CNDP2: variants seen among roughly 807,000 people sequenced by gnomAD.
The protein encoded by CNDP2 is carnosine dipeptidase 2.
In CNDP2, 38 loss-of-function variants were observed where a neutral mutation model predicts 55.0. That is an observed-to-expected ratio of 0.69 (90% CI 0.53 to 0.90). The LOEUF (loss-of-function observed/expected upper bound fraction) is 0.90. Among genes scored for constraint, CNDP2 ranks in the 40% least tolerant of loss-of-function variants. The probability of loss-of-function intolerance (pLI) is 0.00; values close to 1 mark genes in which losing one functional copy is unlikely to be tolerated. For synonymous variants in CNDP2, 241 were observed against 260.2 expected (o/e 0.93, Z 0.71); for missense variants, 607 against 621.7 (o/e 0.98, Z 0.25).
At chr18:74,507,225 C>T (rs975785239) in intron 4 of CNDP2, 1 of 152,372 alleles carries the variant, frequency 6.6e-6, no homozygotes, top group Admixed American at 6.5e-5. Context: ...GGAACTCGCT[C>T]TCTCTGGACA....
intron 3 of CNDP2, among the ~76,000 whole-genome samples, chr18:74,503,073 G>T (rs1437197851): frequency 5.6e-5 from 8 of 142,192 alleles, no homozygotes; most frequent in Admixed American, 1.4e-4. Flanking sequence ...GCTCCCTTTC[G>T]TTTTTTTTTT....
chr18:74,519,853 C>G (rs2144620460), intron 11 of CNDP2, 146 bp from the exon 12 acceptor site: 1 of 654,944 alleles, frequency 1.5e-6, no homozygotes, highest in African/African-American at 1.8e-5. Context: ...ATTCTGAAGG[C>G]AAGCAGGGCT....
intron 5 of CNDP2, 192 bp downstream of exon 5, chr18:74,509,120 A>T: frequency 3.6e-6 from 2 of 559,318 alleles, no homozygotes; most frequent in African/African-American, 1.9e-5. Context: ...GAAACATTCA[A>T]AGTGTAATTG....
At chr18:74,516,629 TCAC>T in intron 9 of CNDP2, 1 of 279,844 alleles carries the variant, frequency 3.6e-6, no homozygotes, top group South Asian at 6.3e-5. Flanking sequence ...TTGACCTCAC[TCAC>T]CTCAAGGCTC....
chr18:74,516,622 AC>A, intron 9 of CNDP2: 1 of 415,516 alleles, frequency 2.4e-6, no homozygotes, highest in Non-Finnish European at 4.0e-6. Flanking sequence ...CTGGCCTTTG[AC>A]CTCACTCACC....
rs760165592 is a variant in CNDP2 at position 74,518,510 on chromosome 18, CCTAA to C, written c.1085_1088del (p.Thr362ArgfsTer39). The C allele has an allele frequency of 5.6e-6, 9 of 1,614,078 alleles. No homozygotes were observed. Among genetic ancestry groups the C allele is most frequent in the Admixed American group, 1.7e-5 (1 of 60,004 alleles). ...TATTTGTGGTTTAGGTCACAAGCTA[CCTAA>C]CTAAGAAGTTTGCTGAACTACGCAG... On this transcript the variant is annotated frameshift_variant, in exon 10 of 12. Transcript: ENST00000324262. LOFTEE classifies it high-confidence loss of function.
Position 74,512,516 on chromosome 18 carries a change from T to C in CNDP2, c.726T>C (p.Asp242=). The change falls in exon 7 of 12, where the codon GAT becomes GAC. Residue 242 remains aspartate (D), a synonymous_variant. Transcript: ENST00000324262. ...GCTCGGTGCATGAGGCCATGACTGA[T>C]CTCATTTTGCTGATGGGTAAGTGCG... ...YGGSVHEAMT[D]LILLMGSLVD... 1 of 1,613,864 alleles carries C rather than the reference T, an allele frequency of 6.2e-7. No homozygotes were observed. Among genetic ancestry groups the C allele is most frequent in the East Asian group, 2.2e-5 (1 of 44,850 alleles).
In CNDP2 at chr18:74,501,564, C is replaced by T. The variant is rs1978702586; in HGVS notation, c.204+92C>T. ...CCACAAGTTCTTAAAAGATCTTTTGCTTCACATACCCCACTCACCTTTAAA... is the reference window on the plus strand; with the variant it reads ...CCACAAGTTCTTAAAAGATCTTTTGTTTCACATACCCCACTCACCTTTAAA... On this transcript the variant is annotated intron_variant, in intron 3 of 11. Coordinates refer to ENST00000324262, the MANE Select transcript of CNDP2 (RefSeq NM_018235.3). 4.1e-6 allele frequency: 6 copies of T among 1,456,656 alleles called. No individual in the cohort carries two copies. In the South Asian group the frequency reaches 5.6e-5, roughly 13 times the overall value. 90.2% of individuals were successfully genotyped at this position (1,456,656 alleles called of 1,614,324 possible).
At chr18:74,499,019 C>T (rs1325800548) in intron 1 of CNDP2, among the ~76,000 whole-genome samples, 1 of 152,164 alleles carries the variant, frequency 6.6e-6, no homozygotes, top group Admixed American at 6.5e-5. Context: ...CTTTGAAAGC[C>T]TATACCAAGG....
intron 2 of CNDP2, chr18:74,501,049 C>T (rs1978664009): frequency 6.7e-6 from 4 of 595,744 alleles, no homozygotes; most frequent in Non-Finnish European, 8.9e-6. Flanking sequence ...TGGCGCCGGG[C>T]TGCCTGTCTT....
Position 74,516,380 on chromosome 18 carries a change from C to T in CNDP2, c.1056C>T (p.Val352=), listed in dbSNP as rs140794493. The part of the protein sequence containing the change: ...IRLVPNMTPE[V]VGEQVTSYLT... Reference sequence around the variant, plus strand: ...TCGTGCCGAACATGACTCCTGAAGTCGTCGGCGAGCAGGCATGTGGGGCTG... The same window carrying T: ...TCGTGCCGAACATGACTCCTGAAGTTGTCGGCGAGCAGGCATGTGGGGCTG... Residue 352 remains valine, a synonymous_variant, in exon 9 of 12, where the codon GTC becomes GTT. Coordinates refer to ENST00000324262, the MANE Select transcript of CNDP2 (RefSeq NM_018235.3). 904 of 1,609,932 alleles carry T rather than the reference C, an allele frequency of 5.6e-4. 4 individuals carry two copies. In the African/African-American group the frequency reaches 0.01, roughly 18 times the overall value.
chr18:74,522,462 G>A lies in CNDP2; in HGVS notation c.*2394G>A, dbSNP rs1295321715. On this transcript the variant is annotated 3_prime_UTR_variant, in exon 12 of 12. Coordinates refer to ENST00000324262, the MANE Select transcript of CNDP2 (RefSeq NM_018235.3). Reference sequence around the variant, plus strand: ...TGCTGAGAGGTGCTATGCTTTGAATGTTTGGCTCCTCCCAAACTCGTGTTG... The same window carrying A: ...TGCTGAGAGGTGCTATGCTTTGAATATTTGGCTCCTCCCAAACTCGTGTTG... 6.6e-6 allele frequency: 1 copy of A among 152,288 alleles called. No homozygotes were observed. Among genetic ancestry groups the A allele is most frequent in the East Asian group, 1.9e-4 (1 of 5,200 alleles). The allele number at this position is 152,288 out of a possible 1,614,324, so 9.4% of individuals were successfully genotyped here.
chr18:74,516,972 A>ACAGATGCGGTAGCTTACGTGG (rs1979707097), intron 9 of CNDP2: 1 of 150,316 alleles, frequency 6.7e-6, no homozygotes, highest in African/African-American at 2.5e-5. Flanking sequence ...AATAAAGACC[A>ACAGATGCGGTAGCTTACGTGG]CAGACGCGGT....
Position 74,520,519 on chromosome 18 carries a change from G to C in CNDP2, c.*451G>C, listed in dbSNP as rs981170419. On this transcript the variant is annotated 3_prime_UTR_variant, in exon 12 of 12. Coordinates refer to ENST00000324262, the MANE Select transcript of CNDP2 (RefSeq NM_018235.3). ...AAAGTTTAAGAAATGAGCCAGACAT[G>C]GTGGTGTATGCCTGTAGTCCCAGCC... 2 of 181,494 alleles carry C rather than the reference G, an allele frequency of 1.1e-5. No individual in the cohort carries two copies. Among genetic ancestry groups the C allele is most frequent in the Admixed American group, 1.2e-4 (2 of 16,994 alleles). The allele number at this position is 181,494 out of a possible 1,614,324, so 11.2% of individuals were successfully genotyped here. A position where few individuals can be genotyped will look rare whatever the true frequency, so the allele number is the denominator to read the frequency against.
chr18:74,497,095 G>C (rs192502786), intron 1 of CNDP2, among the ~76,000 whole-genome samples: 2 of 152,182 alleles, frequency 1.3e-5, no homozygotes, highest in East Asian at 3.9e-4. Flanking sequence ...ACAATATTTG[G>C]TCCTCACAGA....
intron 5 of CNDP2, among the ~76,000 whole-genome samples, chr18:74,510,203 C>G (rs188394626): frequency 1.7e-4 from 26 of 152,312 alleles, no homozygotes; most frequent in African/African-American, 5.5e-4. Context: ...TGGGGGCAGC[C>G]TGGGTGGTCG....
intron 4 of CNDP2, among the ~76,000 whole-genome samples, chr18:74,506,403 T>C (rs1053314284): frequency 2.0e-5 from 3 of 152,196 alleles, no homozygotes; most frequent in African/African-American, 7.2e-5. Context: ...CCCAAAGTGC[T>C]GGGATTACAG....
chr18:74,515,727 A>G (rs1177845280), intron 8 of CNDP2, among the ~76,000 whole-genome samples: 1 of 152,148 alleles, frequency 6.6e-6, no homozygotes, highest in Non-Finnish European at 1.5e-5. Context: ...AGATGGCATC[A>G]TCGGTATTCA....
intron 7 of CNDP2, among the ~76,000 whole-genome samples, chr18:74,512,877 C>T (rs774694936): frequency 1.1e-4 from 17 of 152,152 alleles, no homozygotes; most frequent in South Asian, 2.1e-4. Context: ...TCTCTCAGGG[C>T]GTGTGTTTTG....
Sources: allele counts gnomAD v4.1 joint callset (sites outside exome capture counted in the v4.1 genomes callset), GRCh38; gene constraint gnomAD v4.1.1; transcripts MANE v1.5; gene names NCBI Gene and HGNC (gene_info 2026-07-23, HGNC 2026-07-21).